The following METTL8 variants were observed in gnomAD, a reference collection of about 807,000 sequenced individuals.
METTL8 encodes tRNA N(3)-cytidine methyltransferase METTL8, mitochondrial.
A neutral mutation model predicts 48.7 loss-of-function variants in METTL8; 32 were observed. That is an observed-to-expected ratio of 0.66 (90% CI 0.50 to 0.88). The LOEUF is 0.88. METTL8 is among the 40% of genes least tolerant of loss of function. The probability of loss-of-function intolerance (pLI) is 0.00; values close to 1 mark genes in which losing one functional copy is unlikely to be tolerated. For missense variants in METTL8, 464 were observed against 474.4 expected, an observed-to-expected ratio of 0.98 and a Z score of 0.20; for synonymous variants, 136 against 157.1, an observed-to-expected ratio of 0.87 and a Z score of 1.01.
chr2:171,390,850 T>G (rs772705526), intron 2 of METTL8, among the ~76,000 whole-genome samples: 1 of 152,172 alleles, frequency 6.6e-6, no homozygotes, highest in African/African-American at 2.4e-5. Flanking sequence ...AATTTAGACA[T>G]AATTTAGACA....
rs189726871 is a variant in METTL8, at chr2:171,352,342, G to A, written c.235+8080C>T. 3.9e-5 allele frequency among the ~76,000 whole-genome samples: 6 copies of A among 152,288 alleles called. No individual in the cohort carries two copies. In the East Asian group the frequency reaches 1.2e-3, roughly 29 times the overall value. On this transcript the variant is annotated intron_variant, in intron 3 of 9. Coordinates refer to ENST00000375258, the MANE Select transcript of METTL8 (RefSeq NM_001321154.2). ...GGTCATGGTGGATAAGCTTTTTGAT[G>A]TGCTCCTGGATTCAGTTTGCCAGTA...
intron 5 of METTL8, among the ~76,000 whole-genome samples, chr2:171,333,562 A>G (rs1442046243): frequency 1.3e-5 from 2 of 152,264 alleles, no homozygotes; most frequent in Non-Finnish European, 1.5e-5. Context: ...TACTGAATCA[A>G]AGTTAAAACT....
intron 3 of METTL8, 41 bp from the exon 4 acceptor site, chr2:171,339,595 A>G (rs761977831): frequency 3.5e-6 from 4 of 1,158,576 alleles, no homozygotes; most frequent in East Asian, 4.9e-5. Context: ...TTTACTACGA[A>G]TTATATTTAC....
chr2:171,366,888 C>CAAA (rs35179830), intron 2 of METTL8, among the ~76,000 whole-genome samples: 4 of 60,986 alleles, frequency 6.6e-5, no homozygotes, highest in Admixed American at 1.9e-4. Context: ...GACCCTGTCT[C>CAAA]AAAAAAAAAA....
intron 1 of METTL8, among the ~76,000 whole-genome samples, chr2:171,417,675 T>C (rs75356394): frequency 0.031 from 4,786 of 152,328 alleles, 85 homozygotes; most frequent in East Asian, 0.051. Context: ...CCCTATATAG[T>C]GGTGTCTACC....
rs1353959392 is a variant in METTL8, at chr2:171,408,295, TG to T, written c.-12-16099del. ...GTTCCAGAGAATTCTACAGTTTTTT[TG>T]TTTTTTTTTTTTTTTGAGATGGAGT... On this transcript the variant is annotated intron_variant, in intron 1 of 9. Transcript: ENST00000375258. Among the ~76,000 whole-genome samples, 47 of 139,896 alleles carry T rather than the reference TG, an allele frequency of 3.4e-4. No individual in the cohort carries two copies. The East Asian group carries it at 3.8e-3, about 11-fold the overall frequency. The allele number at this position is 139,896 out of a possible 152,430, so 91.8% of individuals were successfully genotyped here.
At chr2:171,391,937 G>A in intron 2 of METTL8, 106 bp downstream of exon 2, 1 of 1,146,264 alleles carries the variant, frequency 8.7e-7, no homozygotes, top group Non-Finnish European at 1.2e-6. Context: ...TACAACATGA[G>A]TTAGGTCATC....
At chr2:171,370,129 A>G (rs1236914707) in intron 2 of METTL8, among the ~76,000 whole-genome samples, 2 of 152,168 alleles carry the variant, frequency 1.3e-5, no homozygotes, top group Non-Finnish European at 2.9e-5. Flanking sequence ...GGGGAAAAAA[A>G]GGGCAGAAGA....
intron 2 of METTL8, among the ~76,000 whole-genome samples, chr2:171,374,110 G>A (rs1263052847): frequency 6.6e-6 from 1 of 152,192 alleles, no homozygotes; most frequent in African/African-American, 2.4e-5. Context: ...TCCTATCCAT[G>A]AGCATGGAAT....
intron 1 of METTL8, among the ~76,000 whole-genome samples, chr2:171,404,081 A>ATATATATATATG (rs1689929212): frequency 8.5e-6 from 1 of 117,616 alleles, no homozygotes; most frequent in Non-Finnish European, 1.8e-5. Flanking sequence ...ATATATATAT[A>ATATATATATATG]TATATATATA....
intron 1 of METTL8, among the ~76,000 whole-genome samples, chr2:171,409,639 G>C (rs888648236): frequency 6.6e-6 from 1 of 152,150 alleles, no homozygotes; most frequent in Non-Finnish European, 1.5e-5. Flanking sequence ...TTGTCTTACT[G>C]TCAAGGAGGG....
intron 2 of METTL8, among the ~76,000 whole-genome samples, chr2:171,376,760 A>C (rs957684687): frequency 3.9e-5 from 6 of 152,216 alleles, no homozygotes; most frequent in South Asian, 2.1e-4. Flanking sequence ...CAATATTGTA[A>C]AAATTACCGT....
At chr2:171,329,838 T>C (rs1254202312) in intron 7 of METTL8, among the ~76,000 whole-genome samples, 4 of 152,214 alleles carry the variant, frequency 2.6e-5, no homozygotes, top group Non-Finnish European at 4.4e-5. Context: ...AACCCAATTT[T>C]AAGAAACCTT....
At chr2:171,377,913 A>AAAAAC (rs904562703) in intron 2 of METTL8, among the ~76,000 whole-genome samples, 1 of 152,220 alleles carries the variant, frequency 6.6e-6, no homozygotes, top group Admixed American at 6.5e-5. Flanking sequence ...TTATATGGAA[A>AAAAAC]AAAACAAAAC....
chr2:171,427,988 A>T (rs979604159), intron 1 of METTL8, among the ~76,000 whole-genome samples: 1 of 152,222 alleles, frequency 6.6e-6, no homozygotes, highest in Admixed American at 6.5e-5. Context: ...TTATTCAGTT[A>T]TACTATGTTT....
chr2:171,426,083 G>C (rs1396795263), intron 1 of METTL8, among the ~76,000 whole-genome samples: 1 of 152,168 alleles, frequency 6.6e-6, no homozygotes, highest in African/African-American at 2.4e-5. Context: ...CTTGAACCCA[G>C]GAGGCAGAGG....
rs532149514 is a variant in METTL8 at position 171,373,060 on chromosome 2, C to G, written c.144-12547G>C. Among the ~76,000 whole-genome samples, 8 of 152,354 alleles carry G rather than the reference C, an allele frequency of 5.3e-5. No homozygotes were observed. In the South Asian group the frequency reaches 1.7e-3, roughly 32 times the overall value. On this transcript the variant is annotated intron_variant, in intron 2 of 9. Transcript: ENST00000375258. ...TCTAGATCCTTGAGGAATCACCATA[C>G]TGTCTTCCACAATGGTTGAACCAGT...
intron 2 of METTL8, chr2:171,374,864 A>G (rs1362848792): frequency 2.6e-6 from 2 of 757,090 alleles, no homozygotes; most frequent in Admixed American, 2.0e-5. Flanking sequence ...TTTTTTTTTT[A>G]AGTACAATTT....
Position 171,321,053 on chromosome 2 carries a change from T to C in METTL8, c.*3119A>G, listed in dbSNP as rs112732850. The C allele has an allele frequency of 2.6e-5, 4 of 152,382 alleles. 1 individual carries two copies. Among genetic ancestry groups the C allele is most frequent in the South Asian group, 4.1e-4 (2 of 4,826 alleles). 9.4% of individuals were successfully genotyped at this position (152,382 alleles called of 1,614,324 possible). A position where few individuals can be genotyped will look rare whatever the true frequency, so the allele number is the denominator to read the frequency against. ...TTGTCTTCTCACCATCTGCTGAGAA[T>C]GTACATTCAAGAACTAGCCTGAGAC... On this transcript the variant is annotated 3_prime_UTR_variant, in exon 10 of 10. Coordinates refer to ENST00000375258, the MANE Select transcript of METTL8 (RefSeq NM_001321154.2).
Sources: allele counts gnomAD v4.1 joint callset (sites outside exome capture counted in the v4.1 genomes callset), GRCh38; gene constraint gnomAD v4.1.1; transcripts MANE v1.5; gene names NCBI Gene and HGNC (gene_info 2026-07-23, HGNC 2026-07-21).